GADL1: variants seen among roughly 807,000 people sequenced by gnomAD.
The protein encoded by GADL1 is GAD like acidic amino acid decarboxylase 1.
Under a neutral mutation model 69.5 loss-of-function variants are expected in GADL1, and 71 were observed. That is an observed-to-expected ratio of 1.02 (90% CI 0.84 to 1.25). The LOEUF (loss-of-function observed/expected upper bound fraction) is 1.25, where lower values mean the gene tolerates loss of function less well. Ranked by LOEUF, GADL1 falls within the 50% of genes most tolerant of loss-of-function variation. The probability of loss-of-function intolerance (pLI) is 0.00; values close to 1 mark genes in which losing one functional copy is unlikely to be tolerated. For synonymous variants in GADL1, 254 were observed against 214.4 expected (o/e 1.18, Z -1.62); for missense variants, 737 against 631.8 (o/e 1.17, Z -1.79).
chr3:30,869,383 T>C (rs1698448648), intron 1 of GADL1, among the ~76,000 whole-genome samples: 1 of 151,686 alleles, frequency 6.6e-6, no homozygotes, highest in Non-Finnish European at 1.5e-5. Context: ...ACAAAGAAGA[T>C]GACTATGGGA....
At chr3:30,743,047 T>C (rs547623802) in intron 14 of GADL1, among the ~76,000 whole-genome samples, 1 of 152,144 alleles carries the variant, frequency 6.6e-6, no homozygotes, top group Non-Finnish European at 1.5e-5. Context: ...CAGATGGTTT[T>C]TCAGAGTCCA....
chr3:30,849,941 C>A (rs1195535174), intron 6 of GADL1, 55 bp downstream of exon 6: 3 of 1,042,176 alleles, frequency 2.9e-6, no homozygotes, highest in East Asian at 2.4e-5. Context: ...AAACAAAGCC[C>A]TCTTAAATAT....
chr3:30,741,372 C>T (rs909833730), intron 14 of GADL1, among the ~76,000 whole-genome samples: 3 of 151,678 alleles, frequency 2.0e-5, no homozygotes, highest in Non-Finnish European at 4.4e-5. Flanking sequence ...CTCCTACATC[C>T]CCACATTTAA....
At chr3:30,778,455 C>T (rs1237731220) in intron 13 of GADL1, among the ~76,000 whole-genome samples, 187 bp from the exon 14 acceptor site, 4 of 152,122 alleles carry the variant, frequency 2.6e-5, no homozygotes, top group Non-Finnish European at 5.9e-5. Context: ...ATTTTCTACT[C>T]CATAGCGTGC....
rs865903786 is a variant in GADL1 at position 30,861,580 on chromosome 3, T to A, written c.210+13A>T. The A allele has an allele frequency of 5.2e-6, 8 of 1,536,146 alleles. No individual in the cohort carries two copies. In the Middle Eastern group the frequency reaches 8.4e-4, roughly 162 times the overall value. On this transcript the variant is annotated intron_variant, in intron 2 of 14. Transcript: ENST00000282538. ...TCCCATTTCTGCAATTTCTTACAGG[T>A]TTTAATTTTTACCTTCTCATTGACA...
At chr3:30,792,488 G>T (rs1177638625) in intron 12 of GADL1, among the ~76,000 whole-genome samples, 1 of 152,088 alleles carries the variant, frequency 6.6e-6, no homozygotes, top group Non-Finnish European at 1.5e-5. Context: ...TAGGAAGGAG[G>T]ATCACTTGAG....
At chr3:30,863,081 T>A (rs1169831513) in intron 1 of GADL1, among the ~76,000 whole-genome samples, 2 of 151,568 alleles carry the variant, frequency 1.3e-5, no homozygotes, top group Admixed American at 6.6e-5. Flanking sequence ...ACACTCACTC[T>A]CTCTCTCTCT....
At chr3:30,867,442 A>ACATATATGTATATATATATATATACG (rs1698420196) in intron 1 of GADL1, among the ~76,000 whole-genome samples, 1 of 140,818 alleles carries the variant, frequency 7.1e-6, no homozygotes, top group Non-Finnish European at 1.5e-5. Context: ...ATATATATAC[A>ACATATATGTATATATATATATATACG]CATATATGTA....
At chr3:30,814,674 A>C (rs6764603) in intron 11 of GADL1, among the ~76,000 whole-genome samples, 24,470 of 152,114 alleles carry the variant, frequency 0.16, 2,047 homozygotes, top group Middle Eastern at 0.2. Flanking sequence ...TCATTTCCAA[A>C]TTTGTAGAGG....
chr3:30,824,427 A>G (rs1219140484), intron 11 of GADL1, among the ~76,000 whole-genome samples: 1 of 151,782 alleles, frequency 6.6e-6, no homozygotes, highest in Admixed American at 6.6e-5. Flanking sequence ...AAATTCCTAA[A>G]TGTGGTCTTC....
At chr3:30,850,554 G>C (rs1204137645) in intron 5 of GADL1, among the ~76,000 whole-genome samples, 6 of 151,964 alleles carry the variant, frequency 3.9e-5, no homozygotes, top group African/African-American at 1.5e-4. Context: ...AAATTTAGAG[G>C]ACTTACAGCC....
At chr3:30,757,136 C>A (rs757016063) in intron 14 of GADL1, among the ~76,000 whole-genome samples, 3 of 152,128 alleles carry the variant, frequency 2.0e-5, no homozygotes, top group Admixed American at 1.3e-4. Flanking sequence ...GCTCTTAATT[C>A]AGAGTGCCAT....
intron 2 of GADL1, 51 bp downstream of exon 2, chr3:30,861,542 G>C: frequency 7.4e-7 from 1 of 1,347,808 alleles, no homozygotes; most frequent in Non-Finnish European, 1.0e-6. Context: ...CTGATTTGGG[G>C]AACATCTATC....
At chr3:30,838,952 A>G (rs1697918365) in intron 9 of GADL1, 45 bp downstream of exon 9, 7 of 1,210,944 alleles carry the variant, frequency 5.8e-6, no homozygotes, top group Non-Finnish European at 8.1e-6. Context: ...CAAGGCTACA[A>G]AAAGACCAAA....
chr3:30,765,946 C>CAG (rs71715491), intron 14 of GADL1, among the ~76,000 whole-genome samples: 3 of 151,824 alleles, frequency 2.0e-5, no homozygotes, highest in South Asian at 2.1e-4. Context: ...ACTGGCAAGA[C>CAG]GGGAAGAAAA....
chr3:30,842,183 AT>A (rs200506866), intron 8 of GADL1, among the ~76,000 whole-genome samples: 1 of 152,040 alleles, frequency 6.6e-6, no homozygotes, highest in Non-Finnish European at 1.5e-5. Context: ...CAAGTCAACT[AT>A]TTTTTTTAAA....
Position 30,743,632 on chromosome 3 carries a change from T to A in GADL1, c.1393-15217A>T, listed in dbSNP as rs146979149. On this transcript the variant is annotated intron_variant, in intron 14 of 14. Transcript: ENST00000282538. ...TTACAGAACACAACCACTCTGAGAA[T>A]TCACAACACACTCTGATTCCCTGAG... Among the ~76,000 whole-genome samples the A allele has an allele frequency of 5.5e-3, 842 of 152,314 alleles. 11 individuals carry two copies. The highest frequency in any genetic ancestry group is 0.019 in the African/African-American group (804 of 41,564).
At chr3:30,816,373 T>C (rs189339296) in intron 11 of GADL1, among the ~76,000 whole-genome samples, 6 of 152,024 alleles carry the variant, frequency 3.9e-5, no homozygotes, top group Admixed American at 1.3e-4. Context: ...AATAAATGCA[T>C]TCTTAATGTG....
At chr3:30,859,188 G>A (rs181606651) in intron 2 of GADL1, among the ~76,000 whole-genome samples, 1 of 151,832 alleles carries the variant, frequency 6.6e-6, no homozygotes, top group African/African-American at 2.4e-5. Flanking sequence ...GTGGAGGGGA[G>A]GAGAGAGATA....
Sources: gnomAD v4.1 joint callset for allele counts (sites outside exome capture counted in the v4.1 genomes callset) on GRCh38, gnomAD v4.1.1 for gene constraint, MANE v1.5 for transcripts, NCBI Gene and HGNC (gene_info 2026-07-23, HGNC 2026-07-21) for gene names.